NHERF2: variants seen among roughly 807,000 people sequenced by gnomAD.
NHERF2 encodes the protein Na(+)/H(+) exchange regulatory cofactor NHE-RF2.
At chr16:2,037,774 G>A in the NHERF2 span, 1 of 1,552,986 alleles carries the variant, frequency 6.4e-7, no homozygotes, top group Non-Finnish European at 8.7e-7. Flanking sequence ...CACCGTCTGG[G>A]GTGTGGGACT....
At chr16:2,037,411 C>G in the NHERF2 span, 1 of 922,476 alleles carries the variant, frequency 1.1e-6, no homozygotes, top group Non-Finnish European at 1.7e-6. Flanking sequence ...TGGAGTCCAC[C>G]AGAGGCCCGA....
the NHERF2 span, chr16:2,033,509 T>C: frequency 4.3e-6 from 6 of 1,405,294 alleles, no homozygotes; most frequent in East Asian, 1.0e-4. Flanking sequence ...AGGAGGGGAC[T>C]CCGGGACCTT....
chr16:2,038,008 C>T, the NHERF2 span: 1 of 1,612,480 alleles, frequency 6.2e-7, no homozygotes. Flanking sequence ...TGTCTCGGGA[C>T]CCTGGGACCC....
the NHERF2 span, among the ~76,000 whole-genome samples, chr16:2,027,528 G>A: frequency 6.6e-6 from 1 of 152,276 alleles, no homozygotes; most frequent in African/African-American, 2.4e-5. Flanking sequence ...CCTCCGGAAA[G>A]GTGAAGACCT....
the NHERF2 span, among the ~76,000 whole-genome samples, chr16:2,027,884 C>G: frequency 6.6e-6 from 1 of 152,186 alleles, no homozygotes; most frequent in East Asian, 1.9e-4. Flanking sequence ...TGTCTGGGAC[C>G]GGGCTGAGTT....
chr16:2,037,564 C>G, the NHERF2 span: 2 of 1,612,520 alleles, frequency 1.2e-6, no homozygotes, highest in East Asian at 2.2e-5. Context: ...CGTGCTCGTC[C>G]CGAAGTGACC....
the NHERF2 span, chr16:2,032,963 C>T: frequency 3.8e-5 from 42 of 1,097,870 alleles, no homozygotes; most frequent in Admixed American, 1.5e-4. The surrounding 1 kb of genome is among the most constrained non-coding windows in gnomAD (Gnocchi z 4.0). Context: ...GTGGTTGGGG[C>T]GCGGTGCCTG....
the NHERF2 span, among the ~76,000 whole-genome samples, chr16:2,028,006 A>G: frequency 1.3e-5 from 2 of 152,084 alleles, no homozygotes; most frequent in South Asian, 4.1e-4. Flanking sequence ...GGCTAAGGAG[A>G]ACAGAGCCTT....
At chr16:2,034,191 C>T in the NHERF2 span, among the ~76,000 whole-genome samples, 185 of 152,284 alleles carry the variant, frequency 1.2e-3, no homozygotes, top group Non-Finnish European at 1.4e-3. Context: ...GGCTGCTGTG[C>T]GTGTTTGCAG....
chr16:2,030,692 A>C, the NHERF2 span, among the ~76,000 whole-genome samples: 1 of 147,246 alleles, frequency 6.8e-6, no homozygotes, highest in Non-Finnish European at 1.5e-5. Flanking sequence ...TAATCCCAAC[A>C]CTTCGGGAGG....
At chr16:2,031,365 C>G in the NHERF2 span, among the ~76,000 whole-genome samples, 2 of 152,200 alleles carry the variant, frequency 1.3e-5, no homozygotes, top group Admixed American at 1.3e-4. Flanking sequence ...TGGGGCCTCC[C>G]TCTTTCCCAG....
At chr16:2,036,534 A>G in the NHERF2 span, 100,313 of 1,556,716 alleles carry the variant, frequency 0.064, 7,167 homozygotes, top group African/African-American at 0.37. Context: ...CGGGGTGCCG[A>G]GTGCCCCGCA....
chr16:2,036,191 G>C, the NHERF2 span: 17 of 898,652 alleles, frequency 1.9e-5, no homozygotes, highest in Non-Finnish European at 2.1e-5. Flanking sequence ...TGCCCGGAGT[G>C]TTTGCCACTG....
At chr16:2,030,667 G>A in the NHERF2 span, among the ~76,000 whole-genome samples, 1 of 150,380 alleles carries the variant, frequency 6.6e-6, no homozygotes, top group Non-Finnish European at 1.5e-5. Context: ...GGCCGGGTGC[G>A]GTGGCTCACG....
At chr16:2,037,565 C>T in the NHERF2 span, 8 of 1,612,610 alleles carry the variant, frequency 5.0e-6, no homozygotes, top group African/African-American at 1.3e-5. Context: ...GTGCTCGTCC[C>T]GAAGTGACCT....
At chr16:2,033,801 T>A in the NHERF2 span, among the ~76,000 whole-genome samples, 1 of 152,118 alleles carries the variant, frequency 6.6e-6, no homozygotes, top group Non-Finnish European at 1.5e-5. Flanking sequence ...CCCGAGCTCC[T>A]CGGCTCTCTG....
the NHERF2 span, chr16:2,033,328 A>G: frequency 6.5e-7 from 1 of 1,533,000 alleles, no homozygotes; most frequent in Non-Finnish European, 8.7e-7. Context: ...GACGCCTGCC[A>G]CTTGCTGTCA....
the NHERF2 span, chr16:2,038,275 G>A: frequency 2.8e-4 from 151 of 546,418 alleles, no homozygotes; most frequent in Non-Finnish European, 4.3e-4. Flanking sequence ...GAGCGAGCGC[G>A]CGGCAGCCGC....
At chr16:2,028,538 C>T in the NHERF2 span, among the ~76,000 whole-genome samples, 2 of 152,218 alleles carry the variant, frequency 1.3e-5, no homozygotes, top group Admixed American at 1.3e-4. Context: ...CCCCATTTGA[C>T]AGTTGAGGAA....
Sources: gnomAD v4.1 joint callset for allele counts (sites outside exome capture counted in the v4.1 genomes callset) on GRCh38, gnomAD v4.1.1 for gene constraint, Gnocchi (gnomAD v3.1) non-coding constraint, MANE v1.5 for transcripts, NCBI Gene and HGNC (gene_info 2026-07-23, HGNC 2026-07-21) for gene names.